CA13: variants seen among roughly 807,000 people sequenced by gnomAD.
CA13 encodes carbonic anhydrase 13.
A neutral mutation model predicts 31.5 loss-of-function variants in CA13; 21 were observed. The observed-to-expected ratio is 0.67, with a 90% confidence interval of 0.47 to 0.96. The LOEUF (loss-of-function observed/expected upper bound fraction) is 0.96, where lower values mean the gene tolerates loss of function less well. Among genes scored for constraint, CA13 ranks in the 40% least tolerant of loss-of-function variants. The probability of loss-of-function intolerance (pLI) is 0.00; values close to 1 mark genes in which losing one functional copy is unlikely to be tolerated. For missense variants in CA13, 315 were observed against 318.9 expected, an observed-to-expected ratio of 0.99 and a Z score of 0.09; for synonymous variants, 117 against 111.4, an observed-to-expected ratio of 1.05 and a Z score of -0.32.
chr8:85,276,414 G>A lies in CA13; in HGVS notation c.670-4816G>A, dbSNP rs865820534. 1.6e-4 allele frequency among the ~76,000 whole-genome samples: 24 copies of A among 152,254 alleles called. 2 individuals are homozygous for A. The South Asian group carries it at 2.9e-3, about 18-fold the overall frequency. ...CACCCAAGGGCCGAGGAGTGCGGGC[G>A]CATGGCGCTGGGACTGGCAGGCAGC... On this transcript the variant is annotated intron_variant, in intron 6 of 6. Transcript: ENST00000321764.
chr8:85,257,596 C>T (rs985776515), intron 2 of CA13, among the ~76,000 whole-genome samples: 35 of 151,296 alleles, frequency 2.3e-4, no homozygotes, highest in African/African-American at 7.0e-4. Flanking sequence ...TAGCTGTGTG[C>T]GCCCGTAGTC....
intron 1 of CA13, among the ~76,000 whole-genome samples, chr8:85,249,218 G>A (rs1032381959): frequency 6.6e-6 from 1 of 152,152 alleles, no homozygotes; most frequent in Non-Finnish European, 1.5e-5. Flanking sequence ...TAGAGTTTGG[G>A]CCAGGCGTGG....
chr8:85,247,898 T>G (rs769415272), intron 1 of CA13, among the ~76,000 whole-genome samples: 11 of 102,644 alleles, frequency 1.1e-4, no homozygotes, highest in Non-Finnish European at 1.6e-4. Context: ...TGTTTTTTTT[T>G]TTTTTTCTGT....
intron 6 of CA13, among the ~76,000 whole-genome samples, chr8:85,269,841 T>G (rs1396068574): frequency 6.6e-6 from 1 of 152,144 alleles, no homozygotes; most frequent in Non-Finnish European, 1.5e-5. Flanking sequence ...CCCATGTAGC[T>G]GGAATTACAG....
chr8:85,258,555 G>A (rs965836614), intron 2 of CA13, among the ~76,000 whole-genome samples: 1 of 151,922 alleles, frequency 6.6e-6, no homozygotes, highest in Admixed American at 6.6e-5. Flanking sequence ...AGTGCTTTGT[G>A]TTCAATTTTT....
chr8:85,281,210 A>G lies in CA13; in HGVS notation c.670-20A>G. 6.2e-7 allele frequency: 1 copy of G among 1,607,832 alleles called. No homozygotes were observed. On this transcript the variant is annotated intron_variant, in intron 6 of 6. Coordinates refer to ENST00000321764, the MANE Select transcript of CA13 (RefSeq NM_198584.3). The stretch of plus-strand genomic sequence containing the variant: ...GGTGGGAATTTCTATGCTGAAGCTA[A>G]CTCTTTTCTTCTTCTACAGCTGGCC...
At position 85,259,427 on chromosome 8, in the gene CA13, G is replaced by T; in HGVS notation, c.242G>T (p.Arg81Leu). 3 of 1,613,378 alleles carry T rather than the reference G, an allele frequency of 1.9e-6. No individual in the cohort carries two copies. Among genetic ancestry groups the T allele is most frequent in the Non-Finnish European group, 1.7e-6 (2 of 1,179,540 alleles). The change falls in exon 3 of 7, where the codon CGT (arginine) becomes CTT (leucine). Residue 81 changes from arginine (R) to leucine (L), a missense_variant. By Grantham distance (102) the Arg-to-Leu change is moderately radical. Transcript: ENST00000321764. The stretch of plus-strand genomic sequence containing the variant: ...AAAACATGTTGTTGTTTAGTTCTGC[G>T]TGGTGGTCCTCTCACTGGAAGCTAC... ...FDDTENKSVL[R>L]GGPLTGSYRL...
chr8:85,254,360 A>G lies in CA13; in HGVS notation c.235+3423A>G, dbSNP rs1303652880. Among the ~76,000 whole-genome samples, 9 of 151,982 alleles carry G rather than the reference A, an allele frequency of 5.9e-5. No individual in the cohort carries two copies. The East Asian group carries it at 1.5e-3, about 26-fold the overall frequency. On this transcript the variant is annotated intron_variant, in intron 2 of 6. Transcript: ENST00000321764. Reference sequence around the variant, plus strand: ...TTTTACTTCATCTAAAACTTTAAGTATATTTTTTATAAATGTAGACATTCA... The same window carrying G: ...TTTTACTTCATCTAAAACTTTAAGTGTATTTTTTATAAATGTAGACATTCA...
intron 1 of CA13, among the ~76,000 whole-genome samples, chr8:85,250,023 C>T (rs1000141425): frequency 6.6e-6 from 1 of 152,096 alleles, no homozygotes; most frequent in Non-Finnish European, 1.5e-5. Context: ...TGTTGAAATT[C>T]AAATGTAACA....
intron 3 of CA13, among the ~76,000 whole-genome samples, chr8:85,261,705 C>T (rs1472647092): frequency 1.3e-5 from 2 of 152,140 alleles, no homozygotes; most frequent in South Asian, 2.1e-4. Context: ...GGATTACAGG[C>T]GTGAGCCACC....
At chr8:85,276,307 C>T (rs538933157) in intron 6 of CA13, among the ~76,000 whole-genome samples, 71 of 152,338 alleles carry the variant, frequency 4.7e-4, no homozygotes, top group African/African-American at 1.5e-3. Context: ...GAGCCTCCCC[C>T]CAACCTCCGT....
chr8:85,266,672 A>G lies in CA13; in HGVS notation c.419A>G (p.Asp140Gly). The change falls in exon 4 of 7, where the codon GAT becomes GGT. Residue 140 changes from aspartate (D) to glycine (G), a missense_variant. Asp to Gly is a moderately conservative substitution (Grantham distance 94). Transcript: ENST00000321764. ...TTTGTTGAGGCAGCTCATGAACCAGATGGACTGGCTGTCTTGGGAGTGTTT... is the reference window on the plus strand; with the variant it reads ...TTTGTTGAGGCAGCTCATGAACCAGGTGGACTGGCTGTCTTGGGAGTGTTT... The part of the protein sequence containing the change: ...PSFVEAAHEP[D>G]GLAVLGVFLQ... 6.2e-7 allele frequency: 1 copy of G among 1,613,968 alleles called. No homozygotes were observed. Among genetic ancestry groups the G allele is most frequent in the South Asian group, 1.1e-5 (1 of 91,070 alleles).
intron 1 of CA13, 99 bp from the exon 2 acceptor site, chr8:85,250,641 C>T (rs1039126952): frequency 2.0e-5 from 14 of 713,308 alleles, no homozygotes; most frequent in African/African-American, 9.1e-5. Flanking sequence ...TTAATCTTTG[C>T]GTTTTCTTCA....
chr8:85,278,464 G>GGA, intron 6 of CA13, among the ~76,000 whole-genome samples: 1 of 152,154 alleles, frequency 6.6e-6, no homozygotes, highest in Non-Finnish European at 1.5e-5. Flanking sequence ...ATCTAGGAAG[G>GGA]TTAGTTAGAA....
At chr8:85,248,997 TA>T (rs1389071692) in intron 1 of CA13, among the ~76,000 whole-genome samples, 1 of 152,226 alleles carries the variant, frequency 6.6e-6, no homozygotes, top group Non-Finnish European at 1.5e-5. Context: ...AAGTATTGAA[TA>T]AAAAAGGCTT....
Position 85,275,987 on chromosome 8 carries a change from C to T in CA13, c.670-5243C>T, listed in dbSNP as rs564718152. Among the ~76,000 whole-genome samples, 5 of 152,358 alleles carry T rather than the reference C, an allele frequency of 3.3e-5. No homozygotes were observed. In the South Asian group the frequency reaches 8.3e-4, roughly 25 times the overall value. ...GCACTTGAGGAGCCCTTCAGCCCGC[C>T]GCTGCACTGTGGGGGCCCCTTTCTG... is the stretch of plus-strand genomic sequence containing the variant. On this transcript the variant is annotated intron_variant, in intron 6 of 6. Transcript: ENST00000321764.
chr8:85,259,271 G>T, intron 2 of CA13, 150 bp from the exon 3 acceptor site: 1 of 632,670 alleles, frequency 1.6e-6, no homozygotes, highest in Non-Finnish European at 2.8e-6. Flanking sequence ...ATTTAAAAGT[G>T]GTATTCTTGT....
At chr8:85,275,614 T>A (rs1403981458) in intron 6 of CA13, among the ~76,000 whole-genome samples, 1 of 152,168 alleles carries the variant, frequency 6.6e-6, no homozygotes, top group Non-Finnish European at 1.5e-5. Flanking sequence ...GGCTTTTGTT[T>A]TGGCTATAAT....
intron 2 of CA13, among the ~76,000 whole-genome samples, chr8:85,259,154 A>G (rs1419781721): frequency 3.3e-5 from 5 of 152,168 alleles, no homozygotes; most frequent in Non-Finnish European, 7.4e-5. Context: ...CCTAATTTCT[A>G]TGCCTTTCTA....
Sources: gnomAD v4.1 joint callset for allele counts (sites outside exome capture counted in the v4.1 genomes callset) on GRCh38, gnomAD v4.1.1 for gene constraint, MANE v1.5 for transcripts, NCBI Gene and HGNC (gene_info 2026-07-23, HGNC 2026-07-21) for gene names.